The following CCDC102B variants were observed in gnomAD, a reference collection of about 807,000 sequenced individuals.
The protein encoded by CCDC102B is coiled-coil domain-containing protein 102B.
In CCDC102B, 75 loss-of-function variants were observed where a neutral mutation model predicts 57.4. The observed-to-expected ratio is 1.31, with a 90% CI of 1.08 to 1.58. The LOEUF is 1.58. CCDC102B is among the 40% of genes most tolerant of loss of function. The pLI, the probability that CCDC102B is intolerant of heterozygous loss-of-function variation, is 0.00. For synonymous variants in CCDC102B, 206 were observed against 201.9 expected (o/e 1.02, Z -0.17); for missense variants, 636 against 582.6 (o/e 1.09, Z -0.94).
At chr18:68,945,141 C>CACACACACACACAG (rs1189683560) in intron 6 of CCDC102B, among the ~76,000 whole-genome samples, 12 of 151,592 alleles carry the variant, frequency 7.9e-5, no homozygotes, top group African/African-American at 2.9e-4. Context: ...CACACACACA[C>CACACACACACACAG]ACACACACTC....
At chr18:68,916,357 C>T (rs1398358335) in intron 6 of CCDC102B, among the ~76,000 whole-genome samples, 1 of 152,138 alleles carries the variant, frequency 6.6e-6, no homozygotes, top group Non-Finnish European at 1.5e-5. Context: ...ATGCCACTGT[C>T]CCATCAGCTC....
intron 6 of CCDC102B, among the ~76,000 whole-genome samples, chr18:68,915,046 A>G (rs2041019166): frequency 6.6e-6 from 1 of 152,196 alleles, no homozygotes; most frequent in South Asian, 2.1e-4. Context: ...AGCGATTGAG[A>G]TAAATATATT....
intron 7 of CCDC102B, among the ~76,000 whole-genome samples, chr18:69,024,989 A>C (rs1386618585): frequency 6.6e-6 from 1 of 152,114 alleles, no homozygotes; most frequent in East Asian, 1.9e-4. Flanking sequence ...GTCATGGAAA[A>C]GGTGATTTTG....
rs2036365181 is a variant in CCDC102B at position 68,813,774 on chromosome 18, T to TATATATA, written c.-16+15593_-16+15594insATATATA. On this transcript the variant is annotated intron_variant, in intron 1 of 7. Transcript: ENST00000360242. ...GATGAAGTCATATTAAAATATAATT[T>TATATATA]TATATATATATATATATATCTTTAG... Among the ~76,000 whole-genome samples the TATATATA allele has an allele frequency of 6.2e-5, 9 of 145,982 alleles. No homozygotes were observed. The East Asian group carries it at 8.1e-4, about 13-fold the overall frequency.
intron 6 of CCDC102B, among the ~76,000 whole-genome samples, chr18:68,973,735 T>C (rs2050359889): frequency 1.3e-5 from 2 of 152,176 alleles, no homozygotes; most frequent in Non-Finnish European, 2.9e-5. Context: ...AAATGTACAA[T>C]ATTTGTGATC....
intron 4 of CCDC102B, among the ~76,000 whole-genome samples, chr18:68,864,469 A>AT (rs2038891669): frequency 6.6e-6 from 1 of 151,524 alleles, no homozygotes; most frequent in Non-Finnish European, 1.5e-5. Context: ...AAGTGTAATG[A>AT]TTTTTTCTTT....
chr18:69,043,109 T>C (rs1004519017), intron 7 of CCDC102B, among the ~76,000 whole-genome samples: 1 of 152,046 alleles, frequency 6.6e-6, no homozygotes, highest in South Asian at 2.1e-4. Flanking sequence ...CAGACAAACA[T>C]GTGAACAAAG....
chr18:68,779,392 A>T (rs1243543619), intron 2 of CCDC102B, among the ~76,000 whole-genome samples: 3 of 152,152 alleles, frequency 2.0e-5, no homozygotes, highest in Non-Finnish European at 4.4e-5. Flanking sequence ...TAAGTCAAAG[A>T]TTGCGTAAGC....
intron 6 of CCDC102B, among the ~76,000 whole-genome samples, chr18:68,940,827 G>T (rs899246586): frequency 1.3e-5 from 2 of 151,722 alleles, no homozygotes; most frequent in African/African-American, 2.4e-5. Context: ...TCAGTTTTGT[G>T]GCATATAGTA....
chr18:68,929,434 C>T (rs550333866), intron 6 of CCDC102B, among the ~76,000 whole-genome samples: 6 of 152,030 alleles, frequency 3.9e-5, no homozygotes, highest in African/African-American at 9.6e-5. Context: ...TCTTTGCATT[C>T]GTTTTACTGA....
chr18:68,986,177 A>C (rs1462530002), intron 6 of CCDC102B, among the ~76,000 whole-genome samples: 2 of 152,184 alleles, frequency 1.3e-5, no homozygotes, highest in African/African-American at 4.8e-5. Flanking sequence ...GCCTGATACC[A>C]AAATCTGGTA....
chr18:68,965,075 T>A (rs2050135099), intron 6 of CCDC102B, among the ~76,000 whole-genome samples: 1 of 151,968 alleles, frequency 6.6e-6, no homozygotes, highest in Non-Finnish European at 1.5e-5. Flanking sequence ...TTGCTTTGAG[T>A]TTATCTTGTT....
At chr18:68,998,997 T>TAGAG (rs2051121859) in intron 6 of CCDC102B, among the ~76,000 whole-genome samples, 1 of 30,578 alleles carries the variant, frequency 3.3e-5, no homozygotes, top group African/African-American at 9.4e-5. Context: ...TATATATATA[T>TAGAG]ATAGAGAGAG....
In CCDC102B at chr18:68,867,949, A is replaced by C. The variant is rs535797376; in HGVS notation, c.937-6720A>C. On this transcript the variant is annotated intron_variant, in intron 4 of 7. Transcript: ENST00000360242. ...GACTCCGTCTCAAAACAAAACAAAA[A>C]AAAAGGGCTAGTTAGTTGGAGCTGC... Among the ~76,000 whole-genome samples, 6 of 152,160 alleles carry C rather than the reference A, an allele frequency of 3.9e-5. No individual in the cohort carries two copies. The South Asian group carries it at 6.2e-4, about 16-fold the overall frequency.
chr18:69,016,783 G>T (rs1361522801), intron 7 of CCDC102B, among the ~76,000 whole-genome samples: 2 of 152,042 alleles, frequency 1.3e-5, no homozygotes, highest in East Asian at 3.9e-4. Context: ...ATATAACTCT[G>T]CCATAACTTA....
At chr18:68,884,663 T>C (rs1419816137) in intron 5 of CCDC102B, among the ~76,000 whole-genome samples, 1 of 149,552 alleles carries the variant, frequency 6.7e-6, no homozygotes, top group Non-Finnish European at 1.5e-5. Context: ...CGTATATATA[T>C]ACACACATAT....
intron 6 of CCDC102B, among the ~76,000 whole-genome samples, chr18:69,000,279 C>A (rs2051166368): frequency 6.6e-6 from 1 of 151,970 alleles, no homozygotes; most frequent in Non-Finnish European, 1.5e-5. Context: ...CACAATGGCC[C>A]TTTGAGATGG....
chr18:68,953,867 C>G (rs1257887725), intron 6 of CCDC102B, among the ~76,000 whole-genome samples: 1 of 151,956 alleles, frequency 6.6e-6, no homozygotes, highest in Non-Finnish European at 1.5e-5. Flanking sequence ...ATGGGTATTA[C>G]TTTTATCATG....
chr18:69,045,604 T>G (rs533421475), intron 7 of CCDC102B, among the ~76,000 whole-genome samples: 4 of 152,148 alleles, frequency 2.6e-5, no homozygotes, highest in Non-Finnish European at 5.9e-5. Context: ...TTTTATTTTT[T>G]ACTTTTATTT....
Sources: allele counts gnomAD v4.1 joint callset (sites outside exome capture counted in the v4.1 genomes callset), GRCh38; gene constraint gnomAD v4.1.1; transcripts MANE v1.5; gene names NCBI Gene and HGNC (gene_info 2026-07-23, HGNC 2026-07-21).